Variants in LRRC7 observed in about 807,000 individuals in gnomAD.
LRRC7 encodes the protein leucine-rich repeat-containing protein 7.
In LRRC7, 23 loss-of-function variants were observed where a neutral mutation model predicts 175.7. That is an observed-to-expected ratio of 0.13 (90% confidence interval 0.09 to 0.19). LRRC7 has a LOEUF of 0.19. Ranked by LOEUF, LRRC7 falls within the 10% of genes least tolerant of loss-of-function variation. The pLI, the probability that LRRC7 is intolerant of heterozygous loss-of-function variation, is 1.00. For synonymous variants in LRRC7, 685 were observed against 680.9 expected (o/e 1.01, Z -0.09); for missense variants, 1,354 against 1,904.7 (o/e 0.71, Z 5.38).
chr1:70,011,851 T>C lies in LRRC7; in HGVS notation c.1059T>C (p.Pro353=), dbSNP rs760169810. ...GCTGTAATGAACTGGAGTCACTACC[T>C]TCTACTATTGGCTACCTTCATAGTC... ...DCSCNELESL[P]STIGYLHSLR... Residue 353 remains proline (P), a synonymous_variant, in exon 12 of 27, where the codon CCT becomes CCC. Transcript: ENST00000651989. 6.3e-7 allele frequency: 1 copy of C among 1,586,214 alleles called. No individual in the cohort carries two copies.
At chr1:70,035,205 T>C (rs1298758967) in intron 18 of LRRC7, among the ~76,000 whole-genome samples, 2 of 152,192 alleles carry the variant, frequency 1.3e-5, no homozygotes, top group East Asian at 1.9e-4. Flanking sequence ...TAACGATAGC[T>C]GCTATGCATA....
intron 8 of LRRC7, among the ~76,000 whole-genome samples, chr1:69,958,816 G>A (rs1013978780): frequency 2.0e-5 from 3 of 152,034 alleles, no homozygotes; most frequent in African/African-American, 7.2e-5. Context: ...TTTTGTCAGA[G>A]GAAGTATGAT....
chr1:70,037,368 A>C (rs1399312295), intron 20 of LRRC7, among the ~76,000 whole-genome samples: 3 of 152,208 alleles, frequency 2.0e-5, no homozygotes, highest in Non-Finnish European at 4.4e-5. Flanking sequence ...CTCATAATAA[A>C]AATCATAACT....
At chr1:69,585,190 T>A (rs964679228) in intron 1 of LRRC7, among the ~76,000 whole-genome samples, 2 of 152,140 alleles carry the variant, frequency 1.3e-5, no homozygotes, top group East Asian at 3.8e-4. Context: ...TTAATATTTA[T>A]TGGGGGTCTA....
intron 7 of LRRC7, among the ~76,000 whole-genome samples, chr1:69,871,978 A>G (rs1685595506): frequency 1.3e-5 from 2 of 152,032 alleles, no homozygotes; most frequent in Admixed American, 1.3e-4. Context: ...TTGTGAAAAT[A>G]TTTTAAGATT....
chr1:69,620,091 T>G (rs1650318073), intron 1 of LRRC7, among the ~76,000 whole-genome samples: 1 of 152,218 alleles, frequency 6.6e-6, no homozygotes, highest in South Asian at 2.1e-4. Context: ...TGTGTGAACC[T>G]GGATTCTTCA....
intron 7 of LRRC7, among the ~76,000 whole-genome samples, chr1:69,886,750 T>A (rs1447078346): frequency 6.6e-6 from 1 of 151,558 alleles, no homozygotes; most frequent in Non-Finnish European, 1.5e-5. Flanking sequence ...TTGCAGCGAC[T>A]GGTACTGGTT....
intron 8 of LRRC7, among the ~76,000 whole-genome samples, chr1:69,947,506 C>G (rs1649462633): frequency 6.6e-6 from 1 of 152,000 alleles, no homozygotes; most frequent in South Asian, 2.1e-4. Context: ...CTGATAACAA[C>G]TTAACTTCAA....
chr1:70,021,136 C>A lies in LRRC7; in HGVS notation c.1545+7C>A, dbSNP rs779908111. 2 of 1,606,136 alleles carry A rather than the reference C, an allele frequency of 1.2e-6. No individual in the cohort carries two copies. Among genetic ancestry groups the A allele is most frequent in the South Asian group, 1.1e-5 (1 of 89,972 alleles). On this transcript the variant is annotated splice_region_variant and intron_variant, in intron 16 of 26. Coordinates refer to ENST00000651989, the MANE Select transcript of LRRC7 (RefSeq NM_001370785.2). ...AAATGCTGGGAAAGTTAAGGTGAAC[C>A]TTTTAGCTTTTGTTTCCTCTTTCTT...
At chr1:70,065,620 C>A (rs992156767) in intron 23 of LRRC7, among the ~76,000 whole-genome samples, 4 of 151,930 alleles carry the variant, frequency 2.6e-5, no homozygotes, top group Non-Finnish European at 5.9e-5. Flanking sequence ...AGACTCCTCT[C>A]TTTACCTAGA....
At chr1:69,606,691 C>G (rs973301286) in intron 1 of LRRC7, among the ~76,000 whole-genome samples, 5 of 151,974 alleles carry the variant, frequency 3.3e-5, no homozygotes, top group Non-Finnish European at 5.9e-5. Context: ...TGTTCATGAG[C>G]TGTAGAGTCC....
At chr1:69,759,713 G>T (rs7555133) in intron 2 of LRRC7, among the ~76,000 whole-genome samples, 1,612 of 152,000 alleles carry the variant, frequency 0.011, 39 homozygotes, top group African/African-American at 0.037. Flanking sequence ...GAAATTTGTG[G>T]GCTACAAAGA....
chr1:69,960,434 C>T (rs1650941398), intron 8 of LRRC7, among the ~76,000 whole-genome samples: 1 of 152,052 alleles, frequency 6.6e-6, no homozygotes, highest in South Asian at 2.1e-4. Context: ...AAAAAGCTAG[C>T]TCCTGGATTC....
chr1:69,671,350 G>A (rs1468945378), intron 1 of LRRC7, among the ~76,000 whole-genome samples: 2 of 152,052 alleles, frequency 1.3e-5, no homozygotes, highest in Non-Finnish European at 1.5e-5. Flanking sequence ...TCCTACTGTG[G>A]CTAAGCTGGT....
chr1:69,725,045 C>T (rs182664307), intron 2 of LRRC7, among the ~76,000 whole-genome samples: 3 of 151,924 alleles, frequency 2.0e-5, no homozygotes, highest in East Asian at 1.9e-4. Context: ...TACTAATACC[C>T]GCTGTTTACT....
At chr1:69,707,132 GTTTCTGTAGCTGT>G (rs1485930720) in intron 2 of LRRC7, among the ~76,000 whole-genome samples, 4 of 152,096 alleles carry the variant, frequency 2.6e-5, no homozygotes, top group African/African-American at 9.7e-5. Flanking sequence ...ATAAAAAAAA[GTTTCTGTAGCTGT>G]TGAGAATCCT....
At chr1:69,747,148 C>T (rs1669341027) in intron 2 of LRRC7, among the ~76,000 whole-genome samples, 1 of 152,136 alleles carries the variant, frequency 6.6e-6, no homozygotes, top group Non-Finnish European at 1.5e-5. Flanking sequence ...AATAAGGTCA[C>T]ACTCTGAGGT....
intron 22 of LRRC7, 51 bp from the exon 23 acceptor site, chr1:70,052,975 T>C (rs771777971): frequency 3.3e-6 from 5 of 1,498,460 alleles, no homozygotes; most frequent in Non-Finnish European, 3.6e-6. Context: ...CAGAAAACTA[T>C]GGTAAACTTC....
intron 7 of LRRC7, among the ~76,000 whole-genome samples, chr1:69,927,396 A>C (rs1048690939): frequency 2.0e-5 from 3 of 152,190 alleles, no homozygotes. Flanking sequence ...AATATCCTGC[A>C]GAGTGTTTTC....
Sources: allele counts gnomAD v4.1 joint callset (sites outside exome capture counted in the v4.1 genomes callset), GRCh38; gene constraint gnomAD v4.1.1; transcripts MANE v1.5; gene names NCBI Gene and HGNC (gene_info 2026-07-23, HGNC 2026-07-21).